The following SRFBP1 variants were observed in gnomAD, a reference collection of about 807,000 sequenced individuals.
SRFBP1 encodes the protein serum response factor-binding protein 1.
In SRFBP1, 47 loss-of-function variants were observed where a neutral mutation model predicts 45.5. The observed-to-expected ratio is 1.03, with a 90% CI of 0.82 to 1.32. The LOEUF is 1.32. Ranked by LOEUF, SRFBP1 falls within the 40% of genes most tolerant of loss-of-function variation. The probability of loss-of-function intolerance (pLI) is 0.00; values close to 1 mark genes in which losing one functional copy is unlikely to be tolerated. For synonymous variants in SRFBP1, 203 were observed against 166.3 expected (o/e 1.22, Z -1.70); for missense variants, 621 against 484.6 (o/e 1.28, Z -2.64).
At chr5:121,977,220 A>G (rs887174602) in intron 3 of SRFBP1, among the ~76,000 whole-genome samples, 3 of 152,116 alleles carry the variant, frequency 2.0e-5, no homozygotes, top group African/African-American at 7.2e-5. Context: ...TGATTGCGCA[A>G]TGGAATGGTT....
chr5:122,027,370 G>GAATAA lies in SRFBP1; in HGVS notation c.*245_*249dup. ...GCAGCTATTACTTAAACTCGTATTTGAATAAGTCTCTTGGGGAGAATTATA... is the reference window on the plus strand; with the variant it reads ...GCAGCTATTACTTAAACTCGTATTTGAATAAAATAAGTCTCTTGGGGAGAATTATA... On this transcript the variant is annotated 3_prime_UTR_variant, in exon 8 of 8. Transcript: ENST00000339397. 3.6e-6 allele frequency: 1 copy of GAATAA among 275,148 alleles called. No homozygotes were observed. The highest frequency in any genetic ancestry group is 1.2e-4 in the South Asian group (1 of 8,304). 17.0% of individuals were successfully genotyped at this position (275,148 alleles called of 1,614,324 possible).
chr5:122,053,167 A>G (rs1446566233), intron 2 of SRFBP1, among the ~76,000 whole-genome samples: 1 of 152,130 alleles, frequency 6.6e-6, no homozygotes, highest in Admixed American at 6.5e-5. Context: ...CTGGGAAAAC[A>G]CAGGGTTGCG....
At chr5:122,052,327 T>A (rs1186532686) in intron 2 of SRFBP1, among the ~76,000 whole-genome samples, 1 of 152,326 alleles carries the variant, frequency 6.6e-6, no homozygotes, top group East Asian at 1.9e-4. Context: ...ATGCATGATA[T>A]TCTGAAATAT....
intron 3 of SRFBP1, among the ~76,000 whole-genome samples, chr5:121,983,427 T>C (rs1752452861): frequency 6.6e-6 from 1 of 151,788 alleles, no homozygotes; most frequent in Non-Finnish European, 1.5e-5. Context: ...GATGTTTTTA[T>C]TTGGCATAAA....
At chr5:122,053,262 C>A (rs956555455) in intron 2 of SRFBP1, among the ~76,000 whole-genome samples, 8 of 152,086 alleles carry the variant, frequency 5.3e-5, no homozygotes, top group Admixed American at 3.9e-4. Flanking sequence ...GGAGGCAGGG[C>A]TGGATGGAGT....
At chr5:122,043,841 A>G (rs1753808599) in intron 2 of SRFBP1, among the ~76,000 whole-genome samples, 1 of 152,124 alleles carries the variant, frequency 6.6e-6, no homozygotes, top group South Asian at 2.1e-4. Context: ...GAAACAAATT[A>G]TTCATTAAAT....
chr5:122,036,410 A>G (rs1298271656), intron 2 of SRFBP1, among the ~76,000 whole-genome samples: 1 of 152,104 alleles, frequency 6.6e-6, no homozygotes, highest in Non-Finnish European at 1.5e-5. Context: ...GTTGTCACAC[A>G]TTGTGCTGGG....
In SRFBP1 at chr5:122,033,973, G is replaced by A. The variant is rs1194350569; in HGVS notation, n.311+11566G>A. The stretch of plus-strand genomic sequence containing the variant: ...TGGGTAGCTGGGATTACAGGCACAC[G>A]CCACCACGCCCAGCTAATTTTCGGG... On this transcript the variant is annotated intron_variant and non_coding_transcript_variant, in intron 2 of 2. Transcript: ENST00000504881. Among the ~76,000 whole-genome samples the A allele has an allele frequency of 2.0e-5, 3 of 151,086 alleles. No homozygotes were observed. The East Asian group carries it at 5.9e-4, about 30-fold the overall frequency.
At chr5:122,000,056 T>C (rs1165420969) in intron 4 of SRFBP1, among the ~76,000 whole-genome samples, 1 of 152,098 alleles carries the variant, frequency 6.6e-6, no homozygotes, top group Non-Finnish European at 1.5e-5. Context: ...GAGCATCTTA[T>C]CTCTTCTATT....
chr5:122,071,245 C>T (rs569912628), intron 2 of SRFBP1, among the ~76,000 whole-genome samples: 39 of 151,542 alleles, frequency 2.6e-4, no homozygotes, highest in African/African-American at 3.4e-4. Flanking sequence ...TTCACAACTA[C>T]ATGAGGGGCT....
intron 2 of SRFBP1, among the ~76,000 whole-genome samples, chr5:122,059,634 T>A (rs1754140754): frequency 6.6e-6 from 1 of 152,134 alleles, no homozygotes; most frequent in African/African-American, 2.4e-5. Context: ...AAGCTTCCCA[T>A]GTTACTGTCA....
chr5:122,057,564 T>G (rs1225843440), intron 2 of SRFBP1, among the ~76,000 whole-genome samples: 1 of 151,194 alleles, frequency 6.6e-6, no homozygotes. Flanking sequence ...TGTCCTCAAG[T>G]GATCCTCCCT....
At chr5:121,975,531 A>G (rs1384981822) in intron 3 of SRFBP1, 144 bp downstream of exon 3, 2 of 859,790 alleles carry the variant, frequency 2.3e-6, no homozygotes, top group Non-Finnish European at 3.6e-6. Context: ...TGAAGAATGT[A>G]GCACATTTAG....
At chr5:121,966,751 A>G (rs1752077493) in intron 1 of SRFBP1, among the ~76,000 whole-genome samples, 1 of 151,832 alleles carries the variant, frequency 6.6e-6, no homozygotes, top group African/African-American at 2.4e-5. Context: ...TATATGTACA[A>G]CTGACATTTT....
At chr5:122,000,483 A>C (rs966162318) in intron 4 of SRFBP1, among the ~76,000 whole-genome samples, 2 of 151,982 alleles carry the variant, frequency 1.3e-5, no homozygotes, top group African/African-American at 4.8e-5. Flanking sequence ...ATCTGCTGGC[A>C]GTAAGTTTCT....
At chr5:121,969,083 C>T (rs961979646) in intron 1 of SRFBP1, among the ~76,000 whole-genome samples, 1 of 152,148 alleles carries the variant, frequency 6.6e-6, no homozygotes, top group Non-Finnish European at 1.5e-5. Context: ...AGTCTCCTGT[C>T]TGCTTTGCAT....
intron 4 of SRFBP1, among the ~76,000 whole-genome samples, chr5:121,999,606 G>A (rs1025858720): frequency 6.6e-6 from 1 of 151,816 alleles, no homozygotes; most frequent in Admixed American, 6.6e-5. Flanking sequence ...TTTGCCATAT[G>A]CATTTTGAAA....
At chr5:121,982,205 C>A (rs1201533754) in intron 3 of SRFBP1, among the ~76,000 whole-genome samples, 2 of 151,890 alleles carry the variant, frequency 1.3e-5, no homozygotes, top group African/African-American at 4.8e-5. Context: ...ACTTTTGTTT[C>A]TAAAAGAGCA....
At chr5:122,041,443 G>C (rs938985680) in intron 2 of SRFBP1, among the ~76,000 whole-genome samples, 1 of 151,476 alleles carries the variant, frequency 6.6e-6, no homozygotes, top group African/African-American at 2.4e-5. Context: ...GGTCTTTTTC[G>C]TTATTTGTTT....
Sources: gnomAD v4.1 joint callset for allele counts (sites outside exome capture counted in the v4.1 genomes callset) on GRCh38, gnomAD v4.1.1 for gene constraint, MANE v1.5 for transcripts, NCBI Gene and HGNC (gene_info 2026-07-23, HGNC 2026-07-21) for gene names.